The following ARSK variants were observed in gnomAD, a reference collection of about 807,000 sequenced individuals.
ARSK encodes the protein arylsulfatase family member K.
ARSK carries 37 observed loss-of-function variants against 53.2 expected under a neutral mutation model. The observed-to-expected ratio is 0.70, with a 90% CI of 0.54 to 0.92. ARSK has a LOEUF of 0.92. Ranked by LOEUF, ARSK falls within the 40% of genes least tolerant of loss-of-function variation. The probability of loss-of-function intolerance (pLI) is 0.00; values close to 1 mark genes in which losing one functional copy is unlikely to be tolerated. For synonymous variants in ARSK, 208 were observed against 223.2 expected, an observed-to-expected ratio of 0.93 and a Z score of 0.61; for missense variants, 613 against 643.0, an observed-to-expected ratio of 0.95 and a Z score of 0.51.
chr5:95,575,113 A>G (rs954736622), intron 3 of ARSK, among the ~76,000 whole-genome samples: 1 of 152,066 alleles, frequency 6.6e-6, no homozygotes, highest in African/African-American at 2.4e-5. Context: ...TCCTTCCCCA[A>G]TGTATGTTCT....
intron 1 of ARSK, chr5:95,557,043 TTAAAAAA>T (rs1222882928): frequency 5.3e-5 from 8 of 151,714 alleles, no homozygotes; most frequent in African/African-American, 9.7e-5. Flanking sequence ...AAAAAAATTT[TTAAAAAA>T]TAAAAAATAA....
intron 3 of ARSK, among the ~76,000 whole-genome samples, chr5:95,580,403 T>C (rs1749002110): frequency 6.6e-6 from 1 of 152,202 alleles, no homozygotes; most frequent in Non-Finnish European, 1.5e-5. Context: ...GATTTCCAGG[T>C]GCAATAGTTT....
rs113763110 is a variant in ARSK, at chr5:95,588,572, T to A, written c.871+1839T>A. Among the ~76,000 whole-genome samples, 297 of 152,252 alleles carry A rather than the reference T, an allele frequency of 2.0e-3. 2 individuals are homozygous for A. The highest frequency in any genetic ancestry group is 6.9e-3 in the African/African-American group (288 of 41,554). ...CTTTTCACCAAATAGTATTTAATACTGTTCATTGTGTTTGTTAACAAACAT... is the reference window on the plus strand; with the variant it reads ...CTTTTCACCAAATAGTATTTAATACAGTTCATTGTGTTTGTTAACAAACAT... On this transcript the variant is annotated intron_variant, in intron 5 of 7. Transcript: ENST00000380009.
chr5:95,586,640 A>T lies in ARSK; in HGVS notation c.778A>T (p.Thr260Ser), dbSNP rs998682024. ...CCCTGTAGATTATTACTCTTCTTAT[A>T]CAAAAAACTGCACTGGAAGATTTAC... ...MHPVDYYSSY[T>S]KNCTGRFTKK... The change falls in exon 5 of 8, where the codon ACA becomes TCA. Residue 260 changes from threonine to serine, a missense_variant. Transcript: ENST00000380009. The T allele has an allele frequency of 4.3e-6, 7 of 1,611,542 alleles. No individual in the cohort carries two copies. The highest frequency in any genetic ancestry group is 1.7e-5 in the Admixed American group (1 of 59,808).
intron 5 of ARSK, among the ~76,000 whole-genome samples, chr5:95,590,531 G>A (rs371596921): frequency 4.6e-5 from 7 of 152,142 alleles, no homozygotes; most frequent in African/African-American, 1.2e-4. Context: ...GGGCAAGACC[G>A]ATTAGTAAGT....
At chr5:95,592,036 A>G (rs1749226881) in intron 6 of ARSK, among the ~76,000 whole-genome samples, 1 of 152,208 alleles carries the variant, frequency 6.6e-6, no homozygotes, top group Admixed American at 6.5e-5. Flanking sequence ...GACTCTTTAG[A>G]TAGTTCTGTA....
chr5:95,574,614 A>T (rs1307479180), intron 3 of ARSK, among the ~76,000 whole-genome samples: 1 of 152,142 alleles, frequency 6.6e-6, no homozygotes, highest in South Asian at 2.1e-4. Flanking sequence ...ATCTTTTCAT[A>T]TATCTATTTG....
At chr5:95,594,857 A>G (rs1419694774) in intron 6 of ARSK, among the ~76,000 whole-genome samples, 1 of 147,018 alleles carries the variant, frequency 6.8e-6, no homozygotes, top group Non-Finnish European at 1.5e-5. Context: ...AAAAAAAAAA[A>G]GAAAGAAATA....
chr5:95,565,462 T>C lies in ARSK; in HGVS notation c.127-536T>C, dbSNP rs566039565. ...ATGTCCTTTAAATTCTTTGAATAGC[T>C]GGATCCTGTTCATTCTTTAGGTCTC... On this transcript the variant is annotated intron_variant, in intron 1 of 7. Transcript: ENST00000380009. Among the ~76,000 whole-genome samples, 48 of 152,352 alleles carry C rather than the reference T, an allele frequency of 3.2e-4. 1 individual carries two copies. The South Asian group carries it at 5.2e-3, about 16-fold the overall frequency.
intron 3 of ARSK, among the ~76,000 whole-genome samples, chr5:95,573,795 G>T (rs1748875375): frequency 1.3e-5 from 2 of 152,140 alleles, no homozygotes; most frequent in Non-Finnish European, 2.9e-5. Context: ...TTTGATACAG[G>T]CATATAATGC....
intron 3 of ARSK, among the ~76,000 whole-genome samples, chr5:95,575,252 G>A (rs945187440): frequency 6.6e-6 from 1 of 152,136 alleles, no homozygotes; most frequent in African/African-American, 2.4e-5. Flanking sequence ...CTAAAGCTCT[G>A]TAGTATAATT....
At chr5:95,599,116 C>T (rs1022175461) in intron 6 of ARSK, among the ~76,000 whole-genome samples, 2 of 152,126 alleles carry the variant, frequency 1.3e-5, no homozygotes, top group Non-Finnish European at 2.9e-5. Flanking sequence ...CTGCCTTGAC[C>T]AGTGTTGTTT....
rs1748723608 is a variant in ARSK, at chr5:95,566,101, C to CT, written c.231dup (p.Pro78SerfsTer24). The CT allele has an allele frequency of 1.9e-6, 3 of 1,613,652 alleles. No individual in the cohort carries two copies. The highest frequency in any genetic ancestry group is 2.5e-6 in the Non-Finnish European group (3 of 1,179,874). ...TCCTTTCTGAATGCCTACACAAACT[C>CT]TCCAATTTGTTGCCCATCACGCGCA... On this transcript the variant is annotated frameshift_variant, in exon 2 of 8. Transcript: ENST00000380009. LOFTEE classifies it high-confidence loss of function.
Position 95,555,194 on chromosome 5 carries a change from G to C in ARSK, c.-85G>C, listed in dbSNP as rs912885665. On this transcript the variant is annotated 5_prime_UTR_variant, in exon 1 of 8. Coordinates refer to ENST00000380009, the MANE Select transcript of ARSK (RefSeq NM_198150.3). This position sits in a 1 kb window ranked among gnomAD's most constrained non-coding sequence, Gnocchi z 4.0. ...AAACTGCAAGCTTTGGGAGTTGTTC[G>C]CTGTCCCTGCCCTGCTCTGCTAGGG... 5 of 1,348,178 alleles carry C rather than the reference G, an allele frequency of 3.7e-6. No individual in the cohort carries two copies. The highest frequency in any genetic ancestry group is 5.0e-6 in the Non-Finnish European group (5 of 997,182). The allele number at this position is 1,348,178 out of a possible 1,614,324, so 83.5% of individuals were successfully genotyped here.
At chr5:95,561,458 A>G (rs1480327392) in intron 1 of ARSK, among the ~76,000 whole-genome samples, 1 of 152,258 alleles carries the variant, frequency 6.6e-6, no homozygotes, top group Non-Finnish European at 1.5e-5. Flanking sequence ...CTTCTACATG[A>G]ATGTTCATAG....
intron 6 of ARSK, among the ~76,000 whole-genome samples, chr5:95,595,775 A>C (rs1238719750): frequency 6.6e-6 from 1 of 152,196 alleles, no homozygotes; most frequent in Non-Finnish European, 1.5e-5. Context: ...AAACCTCAAC[A>C]TCAAGTAATA....
intron 2 of ARSK, 42 bp downstream of exon 2, chr5:95,566,169 A>G: frequency 6.3e-7 from 1 of 1,597,408 alleles, no homozygotes; most frequent in Non-Finnish European, 8.5e-7. Flanking sequence ...GTGGCTACAC[A>G]CTGAAAATAT....
intron 5 of ARSK, among the ~76,000 whole-genome samples, chr5:95,590,156 TGC>T (rs1334850808): frequency 6.6e-6 from 1 of 152,222 alleles, no homozygotes; most frequent in African/African-American, 2.4e-5. Context: ...AATGGTGCTT[TGC>T]TAGAGAGATA....
intron 1 of ARSK, 142 bp from the exon 2 acceptor site, chr5:95,565,856 C>T: frequency 4.0e-6 from 3 of 748,068 alleles, no homozygotes; most frequent in South Asian, 2.0e-5. Flanking sequence ...TGGAAACACC[C>T]TCTATACTTG....
Sources: allele counts gnomAD v4.1 joint callset (sites outside exome capture counted in the v4.1 genomes callset), GRCh38; gene constraint gnomAD v4.1.1; non-coding constraint Gnocchi (gnomAD v3.1); transcripts MANE v1.5; gene names NCBI Gene and HGNC (gene_info 2026-07-23, HGNC 2026-07-21).